PALM2AKAP2: variants seen among roughly 807,000 people sequenced by gnomAD.
PALM2AKAP2 encodes the protein PALM2-AKAP2 fusion protein.
In PALM2AKAP2, 37 loss-of-function variants were observed where a neutral mutation model predicts 71.5. The observed-to-expected ratio is 0.52, with a 90% confidence interval of 0.40 to 0.68. The LOEUF (loss-of-function observed/expected upper bound fraction) is 0.68, where lower values mean the gene tolerates loss of function less well. Among genes scored for constraint, PALM2AKAP2 ranks in the 30% least tolerant of loss-of-function variants. The probability of loss-of-function intolerance (pLI) is 0.00; values close to 1 mark genes in which losing one functional copy is unlikely to be tolerated. For synonymous variants in PALM2AKAP2, 468 were observed against 478.8 expected, an observed-to-expected ratio of 0.98 and a Z score of 0.29; for missense variants, 1,224 against 1,191.8, an observed-to-expected ratio of 1.03 and a Z score of -0.40.
chr9:109,835,335 G>A (rs1377358995), intron 1 of PALM2AKAP2, among the ~76,000 whole-genome samples: 1 of 146,840 alleles, frequency 6.8e-6, no homozygotes, highest in African/African-American at 2.5e-5. Flanking sequence ...GAGGAGGGTG[G>A]AGGGATAGAG....
upstream of PALM2AKAP2, chr9:110,048,498 T>C: frequency 1.8e-6 from 1 of 557,556 alleles, no homozygotes; most frequent in Non-Finnish European, 3.1e-6. Flanking sequence ...ATTCATTCAT[T>C]TCTTCGTTTG....
At chr9:109,932,064 C>T (rs1206167547) in intron 6 of PALM2AKAP2, 36 bp downstream of exon 6, 1 of 1,573,662 alleles carries the variant, frequency 6.4e-7, no homozygotes, top group African/African-American at 1.4e-5. Flanking sequence ...TAGGATGGTC[C>T]AAGGGGCTTG....
intron 1 of PALM2AKAP2, among the ~76,000 whole-genome samples, chr9:109,732,178 A>G (rs1469141401): frequency 1.3e-5 from 2 of 152,222 alleles, no homozygotes; most frequent in East Asian, 3.8e-4. Flanking sequence ...ATGGAAGTGA[A>G]AGACATTGCA....
intron 6 of PALM2AKAP2, among the ~76,000 whole-genome samples, chr9:109,968,235 G>A (rs1056318702): frequency 6.6e-6 from 1 of 152,212 alleles, no homozygotes; most frequent in Non-Finnish European, 1.5e-5. Flanking sequence ...GGCCCTGGGG[G>A]TCTGGCCTGC....
chr9:109,736,992 A>C (rs951804175), intron 1 of PALM2AKAP2, among the ~76,000 whole-genome samples: 1 of 152,232 alleles, frequency 6.6e-6, no homozygotes, highest in Non-Finnish European at 1.5e-5. Flanking sequence ...CTAATCTTTA[A>C]CATCATTGGG....
At chr9:110,146,374 A>G (rs1365382339) in intron 2 of PALM2AKAP2, among the ~76,000 whole-genome samples, 2 of 152,136 alleles carry the variant, frequency 1.3e-5, no homozygotes, top group Non-Finnish European at 2.9e-5. Context: ...GGGTCTTCAG[A>G]TAGATCCGTG....
intron 7 of PALM2AKAP2, among the ~76,000 whole-genome samples, chr9:110,037,646 A>G (rs1221190858): frequency 6.6e-6 from 1 of 152,218 alleles, no homozygotes. Context: ...AGTAAATACT[A>G]TCATATGAAA....
chr9:109,702,110 T>C (rs1331795294), intron 1 of PALM2AKAP2, among the ~76,000 whole-genome samples: 3 of 152,108 alleles, frequency 2.0e-5, no homozygotes, highest in Non-Finnish European at 4.4e-5. Flanking sequence ...GGAGAGGATG[T>C]GGAGAAATAG....
chr9:109,823,412 C>T (rs1443535069), intron 1 of PALM2AKAP2, among the ~76,000 whole-genome samples: 1 of 152,190 alleles, frequency 6.6e-6, no homozygotes, highest in African/African-American at 2.4e-5. Flanking sequence ...CACCATTAAA[C>T]AACTCTAGAG....
intron 1 of PALM2AKAP2, among the ~76,000 whole-genome samples, chr9:109,709,442 C>T (rs1828193306): frequency 6.6e-6 from 1 of 152,204 alleles, no homozygotes; most frequent in African/African-American, 2.4e-5. Context: ...CTCACCTGGG[C>T]CACTGCCTGT....
chr9:110,049,788 G>A (rs1833674609), intron 1 of PALM2AKAP2, among the ~76,000 whole-genome samples: 1 of 152,252 alleles, frequency 6.6e-6, no homozygotes, highest in East Asian at 1.9e-4. Context: ...GCCCGGGAGA[G>A]CCGGAAGCCC....
chr9:109,776,833 C>T (rs955897628), upstream of PALM2AKAP2, among the ~76,000 whole-genome samples: 3 of 152,152 alleles, frequency 2.0e-5, no homozygotes, highest in Non-Finnish European at 4.4e-5. Flanking sequence ...TTTGATAATC[C>T]GCAACACTGA....
intron 6 of PALM2AKAP2, among the ~76,000 whole-genome samples, chr9:109,975,874 G>T (rs373186486): frequency 1.3e-4 from 20 of 152,338 alleles, no homozygotes; most frequent in African/African-American, 4.3e-4. Context: ...AGGGTCAGCC[G>T]GTGGGGAGGA....
rs144314837 is a variant in PALM2AKAP2, at chr9:109,813,840, G to A, written c.45+33307G>A. Among the ~76,000 whole-genome samples, 60 of 152,272 alleles carry A rather than the reference G, an allele frequency of 3.9e-4. No individual in the cohort carries two copies. In the East Asian group the frequency reaches 0.01, roughly 26 times the overall value. ...ACCCAACTCTACTCGTCTGTCCTAC[G>A]TAGGGTCTACAAGGCAGTGTAACAC... On this transcript the variant is annotated intron_variant, in intron 1 of 9. Coordinates refer to the PALM2AKAP2 transcript ENST00000302798.
chr9:109,822,535 C>A (rs1828037631), intron 1 of PALM2AKAP2, among the ~76,000 whole-genome samples: 1 of 152,162 alleles, frequency 6.6e-6, no homozygotes, highest in Non-Finnish European at 1.5e-5. Flanking sequence ...CCACCTTCTA[C>A]CCTCAAGTAA....
chr9:109,801,730 T>TTG (rs1244005147), intron 1 of PALM2AKAP2, among the ~76,000 whole-genome samples: 1 of 142,356 alleles, frequency 7.0e-6, no homozygotes, highest in Admixed American at 6.9e-5. Flanking sequence ...GTGTGTGTGT[T>TTG]TGTGTGTGTG....
intron 1 of PALM2AKAP2, among the ~76,000 whole-genome samples, chr9:109,847,097 G>C (rs556714661): frequency 6.6e-5 from 10 of 152,076 alleles, no homozygotes; most frequent in Admixed American, 2.6e-4. Context: ...TCAAATCCCT[G>C]GGACCTATGT....
intron 6 of PALM2AKAP2, among the ~76,000 whole-genome samples, chr9:109,963,977 A>G (rs559841387): frequency 7.9e-5 from 12 of 152,324 alleles, no homozygotes; most frequent in African/African-American, 2.4e-4. Context: ...CAGGCCACAG[A>G]ATCTCGCTCT....
At chr9:110,166,454 C>T (rs539239190) in intron 3 of PALM2AKAP2, among the ~76,000 whole-genome samples, 1 of 152,274 alleles carries the variant, frequency 6.6e-6, no homozygotes, top group South Asian at 2.1e-4. Flanking sequence ...CCAAGACTTC[C>T]ACGTGCAGTC....
Sources: allele counts gnomAD v4.1 joint callset (sites outside exome capture counted in the v4.1 genomes callset), GRCh38; gene constraint gnomAD v4.1.1; transcripts MANE v1.5; gene names NCBI Gene and HGNC (gene_info 2026-07-23, HGNC 2026-07-21).